Variants in RBFOX3 observed in about 807,000 individuals in gnomAD.
RBFOX3 encodes the protein RNA binding protein fox-1 homolog 3.
In RBFOX3, 17 loss-of-function variants were observed where a neutral mutation model predicts 48.7. The observed-to-expected ratio is 0.35, with a 90% CI of 0.24 to 0.52. RBFOX3 has a LOEUF of 0.52. RBFOX3 is among the 20% of genes least tolerant of loss of function. The pLI is 0.94. For synonymous variants in RBFOX3, 212 were observed against 209.5 expected (o/e 1.01, Z -0.10); for missense variants, 382 against 497.5 (o/e 0.77, Z 2.21).
chr17:79,349,759 C>T (rs923072199), intron 2 of RBFOX3, among the ~76,000 whole-genome samples: 25 of 152,144 alleles, frequency 1.6e-4, no homozygotes, highest in Non-Finnish European at 3.1e-4. Context: ...TAGCTTGGTG[C>T]ACCGAGAGAT....
At chr17:79,400,093 G>C (rs146300164) in intron 2 of RBFOX3, among the ~76,000 whole-genome samples, 2 of 152,164 alleles carry the variant, frequency 1.3e-5, no homozygotes, top group Non-Finnish European at 2.9e-5. Flanking sequence ...CAGGATTCTC[G>C]GGGAATGGGG....
chr17:79,499,291 TTATTCATCCAC>T (rs373803653), intron 1 of RBFOX3, among the ~76,000 whole-genome samples: 88 of 151,440 alleles, frequency 5.8e-4, no homozygotes, highest in African/African-American at 2.1e-3. Context: ...TACCATCCAT[TTATTCATCCAC>T]TATTCATTCA....
chr17:79,180,198 G>A (rs2051573885), intron 4 of RBFOX3, among the ~76,000 whole-genome samples: 1 of 152,176 alleles, frequency 6.6e-6, no homozygotes, highest in African/African-American at 2.4e-5. Flanking sequence ...CAGAACTGTT[G>A]TGTCTCAGGA....
chr17:79,340,904 C>T (rs1162333266), intron 2 of RBFOX3, among the ~76,000 whole-genome samples: 3 of 152,214 alleles, frequency 2.0e-5, no homozygotes, highest in Non-Finnish European at 4.4e-5. Flanking sequence ...CCACCCCTTC[C>T]TGTTTGAAAA....
rs1281049342 is a variant in RBFOX3, at chr17:79,111,475, G to A, written c.222+4019C>T. Among the ~76,000 whole-genome samples the A allele has an allele frequency of 1.3e-5, 2 of 152,220 alleles. No homozygotes were observed. Among genetic ancestry groups the A allele is most frequent in the East Asian group, 3.9e-4 (2 of 5,178 alleles). Reference sequence around the variant, plus strand: ...CTTTTTCTCAGAGTTTTGCTCTGTCGCCCAGGCTGGAGTGCAGCGGCGTGA... The same window carrying A: ...CTTTTTCTCAGAGTTTTGCTCTGTCACCCAGGCTGGAGTGCAGCGGCGTGA... On this transcript the variant is annotated intron_variant, in intron 5 of 14. Coordinates refer to ENST00000693108, the MANE Select transcript of RBFOX3 (RefSeq NM_001350451.2). The surrounding 1 kb of genome is among the most constrained non-coding windows in gnomAD (Gnocchi z 4.2).
intron 4 of RBFOX3, among the ~76,000 whole-genome samples, chr17:79,226,211 G>A (rs2060295559): frequency 6.6e-6 from 1 of 152,244 alleles, no homozygotes; most frequent in Non-Finnish European, 1.5e-5. Flanking sequence ...GAAGTGGTCA[G>A]ATCATAGGAG....
intron 4 of RBFOX3, among the ~76,000 whole-genome samples, chr17:79,227,607 G>T (rs950601751): frequency 2.0e-5 from 3 of 152,200 alleles, no homozygotes; most frequent in Non-Finnish European, 4.4e-5. Context: ...TGGCGGCGTG[G>T]GGAGGCTGAC....
chr17:79,289,175 C>T (rs1241565181), intron 3 of RBFOX3, among the ~76,000 whole-genome samples: 1 of 152,218 alleles, frequency 6.6e-6, no homozygotes, highest in East Asian at 1.9e-4. Context: ...CTCTCCAATA[C>T]GTTCCGCACA....
chr17:79,119,010 A>AGAAAAG (rs1568165979), intron 4 of RBFOX3, among the ~76,000 whole-genome samples: 2 of 116,344 alleles, frequency 1.7e-5, no homozygotes, highest in South Asian at 6.9e-4. Flanking sequence ...AAATAAAATA[A>AGAAAAG]AAAAGAAAGC....
chr17:79,629,585 C>T, the RBFOX3 span, among the ~76,000 whole-genome samples: 96 of 152,260 alleles, frequency 6.3e-4, no homozygotes, highest in African/African-American at 2.3e-3. Flanking sequence ...GATTGGCACT[C>T]GGATCAAAAG....
intron 4 of RBFOX3, among the ~76,000 whole-genome samples, chr17:79,162,523 T>C (rs1405043314): frequency 6.6e-6 from 1 of 152,258 alleles, no homozygotes; most frequent in Non-Finnish European, 1.5e-5. Flanking sequence ...AGCATAATTT[T>C]TCCTCTAATT....
the RBFOX3 span, among the ~76,000 whole-genome samples, chr17:79,659,945 G>A: frequency 6.6e-6 from 1 of 152,126 alleles, no homozygotes; most frequent in Non-Finnish European, 1.5e-5. Flanking sequence ...CCAGCACTTT[G>A]GGAGGCTGAG....
chr17:79,339,412 C>T (rs2081702442), intron 2 of RBFOX3, among the ~76,000 whole-genome samples: 1 of 152,136 alleles, frequency 6.6e-6, no homozygotes, highest in South Asian at 2.1e-4. Context: ...TGAGAATTAC[C>T]CATCGCCTAC....
chr17:79,499,955 T>C lies in RBFOX3; in HGVS notation c.-319-17357A>G, dbSNP rs936657557. ...GCAAAAGAGGTGGAGCCTCCTTCCC[T>C]ACCCTCTATGAATCTGGGCCTGCCG... On this transcript the variant is annotated intron_variant, in intron 1 of 14. Transcript: ENST00000693108. Among the ~76,000 whole-genome samples the C allele has an allele frequency of 3.3e-5, 5 of 152,226 alleles. No individual in the cohort carries two copies. The South Asian group carries it at 6.2e-4, about 19-fold the overall frequency.
intron 2 of RBFOX3, among the ~76,000 whole-genome samples, chr17:79,388,136 A>ATGTGTGTGCATG (rs372614219): frequency 6.6e-6 from 1 of 151,860 alleles, no homozygotes; most frequent in Admixed American, 6.6e-5. Flanking sequence ...GTGCATACAA[A>ATGTGTGTGCATG]TGTGTGTGCA....
intron 1 of RBFOX3, among the ~76,000 whole-genome samples, chr17:79,557,225 C>CAA (rs1167997833): frequency 5.3e-4 from 46 of 86,502 alleles, no homozygotes; most frequent in Non-Finnish European, 7.9e-4. Context: ...GACACTGTCT[C>CAA]AAAAAAAAAA....
At chr17:79,128,986 G>A (rs576778229) in intron 4 of RBFOX3, among the ~76,000 whole-genome samples, 1 of 152,296 alleles carries the variant, frequency 6.6e-6, no homozygotes, top group South Asian at 2.1e-4. Context: ...GAGCCCACCT[G>A]AACTTTCCAG....
At chr17:79,522,195 T>C (rs2086204382) in intron 1 of RBFOX3, among the ~76,000 whole-genome samples, 1 of 152,196 alleles carries the variant, frequency 6.6e-6, no homozygotes, top group Admixed American at 6.5e-5. Context: ...GTCTCCACCT[T>C]TGAGGAGCTG....
chr17:79,231,145 G>C (rs890382696), intron 4 of RBFOX3, among the ~76,000 whole-genome samples: 1 of 152,146 alleles, frequency 6.6e-6, no homozygotes, highest in African/African-American at 2.4e-5. Flanking sequence ...CTGAGAGGTG[G>C]GGAGCCAAGG....
Sources: gnomAD v4.1 joint callset for allele counts (sites outside exome capture counted in the v4.1 genomes callset) on GRCh38, gnomAD v4.1.1 for gene constraint, Gnocchi (gnomAD v3.1) non-coding constraint, MANE v1.5 for transcripts, NCBI Gene and HGNC (gene_info 2026-07-23, HGNC 2026-07-21) for gene names.